SNTG1: variants seen among roughly 807,000 people sequenced by gnomAD.
SNTG1 encodes gamma-1-syntrophin.
Under a neutral mutation model 74.7 loss-of-function variants are expected in SNTG1, and 39 were observed. The observed-to-expected ratio is 0.52, with a 90% CI of 0.40 to 0.68. SNTG1 has a LOEUF of 0.68. Among genes scored for constraint, SNTG1 ranks in the 30% least tolerant of loss-of-function variants. The pLI is 0.00. For synonymous variants in SNTG1, 254 were observed against 217.1 expected (o/e 1.17, Z -1.49); for missense variants, 685 against 609.5 (o/e 1.12, Z -1.30).
intron 12 of SNTG1, among the ~76,000 whole-genome samples, chr8:50,571,358 G>A (rs2094548329): frequency 1.3e-5 from 2 of 152,180 alleles, no homozygotes; most frequent in African/African-American, 4.8e-5. Flanking sequence ...TGGGGTAATT[G>A]ATCCCCAGGT....
chr8:50,306,114 G>T (rs1460202050), intron 2 of SNTG1, among the ~76,000 whole-genome samples: 1 of 146,530 alleles, frequency 6.8e-6, no homozygotes, highest in Non-Finnish European at 1.5e-5. Context: ...GTACCCATAG[G>T]TTAGCTCTCA....
chr8:50,333,404 AC>A (rs1398919712), intron 2 of SNTG1, among the ~76,000 whole-genome samples: 1 of 152,146 alleles, frequency 6.6e-6, no homozygotes, highest in Non-Finnish European at 1.5e-5. Flanking sequence ...TGTTCCCTAA[AC>A]TTTTGTATAT....
chr8:50,421,891 C>A (rs889592067), intron 4 of SNTG1, among the ~76,000 whole-genome samples: 3 of 152,112 alleles, frequency 2.0e-5, no homozygotes, highest in African/African-American at 4.8e-5. Flanking sequence ...AGACATAATG[C>A]AGATCCAGAG....
At chr8:50,501,611 A>ATTTTTTTT (rs57220646) in intron 8 of SNTG1, among the ~76,000 whole-genome samples, 1 of 134,146 alleles carries the variant, frequency 7.5e-6, no homozygotes, top group African/African-American at 2.6e-5. Flanking sequence ...ATTTTTTTTT[A>ATTTTTTTT]TTTTTTTTTT....
chr8:50,376,729 T>TTATATATATATA (rs375978893), intron 2 of SNTG1, among the ~76,000 whole-genome samples: 7 of 100,604 alleles, frequency 7.0e-5, no homozygotes, highest in Admixed American at 1.2e-4. Context: ...TATTAATAAA[T>TTATATATATATA]TATATATATA....
chr8:49,912,840 C>A (rs575674966), intron 1 of SNTG1, among the ~76,000 whole-genome samples: 4 of 152,128 alleles, frequency 2.6e-5, no homozygotes, highest in Admixed American at 6.5e-5. Flanking sequence ...ACCTGATCTG[C>A]CAGAAAGCAG....
intron 1 of SNTG1, among the ~76,000 whole-genome samples, chr8:50,060,703 G>A (rs1047399170): frequency 6.6e-6 from 1 of 151,984 alleles, no homozygotes; most frequent in African/African-American, 2.4e-5. Flanking sequence ...TTTTTAAAAT[G>A]CTATTTCTCT....
chr8:50,312,548 G>A (rs975456354), intron 2 of SNTG1, among the ~76,000 whole-genome samples: 2 of 150,052 alleles, frequency 1.3e-5, no homozygotes, highest in African/African-American at 5.0e-5. Flanking sequence ...GGAGGAAAGA[G>A]ATTGTGGAAA....
At chr8:50,276,092 C>T (rs911186729) in intron 2 of SNTG1, among the ~76,000 whole-genome samples, 6 of 152,084 alleles carry the variant, frequency 3.9e-5, no homozygotes, top group South Asian at 4.1e-4. Flanking sequence ...ACAATACCTA[C>T]GTACCAGAGA....
intron 2 of SNTG1, among the ~76,000 whole-genome samples, chr8:50,340,167 C>A (rs2130930998): frequency 6.6e-6 from 1 of 152,066 alleles, no homozygotes; most frequent in African/African-American, 2.4e-5. Flanking sequence ...ATAGTTTCAA[C>A]ACAATCTCAG....
At chr8:50,722,284 C>T (rs916344179) in intron 17 of SNTG1, among the ~76,000 whole-genome samples, 7 of 152,048 alleles carry the variant, frequency 4.6e-5, no homozygotes, top group African/African-American at 1.4e-4. Flanking sequence ...AAGCAATTCT[C>T]CTGCCTCAGC....
rs557194957 is a variant in SNTG1, at chr8:50,511,560, G to A, written c.466+8680G>A. On this transcript the variant is annotated intron_variant, in intron 9 of 18. Coordinates refer to ENST00000642720, the MANE Select transcript of SNTG1 (RefSeq NM_018967.5). ...ATTGTGTGGGAGTCTAAGTCTCTTT[G>A]TAGGTCTCTAAGGACTTGCTTTATG... Among the ~76,000 whole-genome samples, 5 of 152,230 alleles carry A rather than the reference G, an allele frequency of 3.3e-5. No homozygotes were observed. In the East Asian group the frequency reaches 9.7e-4, roughly 29 times the overall value.
intron 1 of SNTG1, among the ~76,000 whole-genome samples, chr8:50,081,429 G>C (rs1045698574): frequency 3.3e-5 from 5 of 152,012 alleles, no homozygotes; most frequent in Admixed American, 3.3e-4. Flanking sequence ...CATTTATCAG[G>C]TCTCTTAAAT....
intron 13 of SNTG1, among the ~76,000 whole-genome samples, chr8:50,650,676 A>G (rs1445903107): frequency 6.6e-6 from 1 of 152,112 alleles, no homozygotes; most frequent in Non-Finnish European, 1.5e-5. Context: ...CATTTGTCTA[A>G]GAATTAATAT....
intron 1 of SNTG1, among the ~76,000 whole-genome samples, chr8:49,978,025 T>C (rs1268377715): frequency 1.3e-5 from 2 of 152,220 alleles, no homozygotes; most frequent in Non-Finnish European, 2.9e-5. Context: ...CATTTGTGAA[T>C]ACCTGCAAAA....
At chr8:50,291,713 C>T (rs1186375124) in intron 2 of SNTG1, among the ~76,000 whole-genome samples, 2 of 152,024 alleles carry the variant, frequency 1.3e-5, no homozygotes, top group African/African-American at 2.4e-5. Context: ...GAATAGGCTA[C>T]AAGAAAGAAA....
At position 50,684,610 on chromosome 8, in the gene SNTG1, G is replaced by T. The variant is rs570284464; in HGVS notation, c.1039-19990G>T. On this transcript the variant is annotated intron_variant, in intron 15 of 18. Transcript: ENST00000642720. ...CAAATAAAATACAATGATAAAAAGG[G>T]TTTTAATGATAATTACATTCTACAT... is the stretch of plus-strand genomic sequence containing the variant. Among the ~76,000 whole-genome samples the T allele has an allele frequency of 4.6e-5, 7 of 151,344 alleles. No homozygotes were observed. In the East Asian group the frequency reaches 1.4e-3, roughly 29 times the overall value.
chr8:50,016,387 G>T (rs1470506284), intron 1 of SNTG1, among the ~76,000 whole-genome samples: 1 of 152,050 alleles, frequency 6.6e-6, no homozygotes, highest in Non-Finnish European at 1.5e-5. Flanking sequence ...TTTCCAATTT[G>T]CTTCAAATGC....
intron 8 of SNTG1, among the ~76,000 whole-genome samples, chr8:50,474,068 T>C (rs1330238389): frequency 2.6e-5 from 4 of 152,098 alleles, no homozygotes; most frequent in Admixed American, 2.0e-4. Flanking sequence ...TGAATGTTTG[T>C]TGCACAACAG....
Sources: gnomAD v4.1 joint callset for allele counts (sites outside exome capture counted in the v4.1 genomes callset) on GRCh38, gnomAD v4.1.1 for gene constraint, MANE v1.5 for transcripts, NCBI Gene and HGNC (gene_info 2026-07-23, HGNC 2026-07-21) for gene names.